The following STPG2 variants were observed in gnomAD, a reference collection of about 807,000 sequenced individuals.
STPG2 encodes the protein sperm tail PG-rich repeat containing 2, also known as sperm-tail PG-rich repeat-containing protein 2.
Under a neutral mutation model 54.2 loss-of-function variants are expected in STPG2, and 56 were observed. That is an observed-to-expected ratio of 1.03 (90% confidence interval 0.83 to 1.29). The LOEUF is 1.29. STPG2 is among the 50% of genes most tolerant of loss of function. The probability of loss-of-function intolerance (pLI) is 0.00; values close to 1 mark genes in which losing one functional copy is unlikely to be tolerated. For synonymous variants in STPG2, 200 were observed against 181.8 expected (o/e 1.10, Z -0.81); for missense variants, 596 against 544.9 (o/e 1.09, Z -0.93).
At chr4:97,727,366 C>A (rs1724658009) in intron 9 of STPG2, among the ~76,000 whole-genome samples, 1 of 151,752 alleles carries the variant, frequency 6.6e-6, no homozygotes. Context: ...ACCTAATTTT[C>A]CATCATGGGT....
intron 10 of STPG2, among the ~76,000 whole-genome samples, chr4:97,560,100 A>T (rs1732185614): frequency 6.6e-6 from 1 of 152,134 alleles, no homozygotes; most frequent in African/African-American, 2.4e-5. Flanking sequence ...ACAGATTCCC[A>T]TGATGACCCT....
At chr4:97,694,938 A>T (rs1472670679) in intron 10 of STPG2, among the ~76,000 whole-genome samples, 1 of 151,586 alleles carries the variant, frequency 6.6e-6, no homozygotes, top group Non-Finnish European at 1.5e-5. Context: ...AATCTTATTG[A>T]CACTATTGCA....
In STPG2 at chr4:97,972,295, T is replaced by C; in HGVS notation, c.918A>G (p.Gly306=). 8 of 1,598,682 alleles carry C rather than the reference T, an allele frequency of 5.0e-6. No homozygotes were observed. The highest frequency in any genetic ancestry group is 6.8e-6 in the Non-Finnish European group (8 of 1,172,684). Residue 306 remains glycine, a synonymous_variant, in exon 7 of 11, where the codon GGA becomes GGG. Coordinates refer to ENST00000295268, the MANE Select transcript of STPG2 (RefSeq NM_174952.3). The stretch of plus-strand genomic sequence containing the variant: ...AATGTATTACCTGATAATCAGCAGG[T>C]CCAGGGGTAGCACAAGCTTCTTTCT... The part of the protein sequence containing the change: ...SVQKEACATP[G]PADYQEFWHS...
chr4:97,596,857 C>T (rs184621520), intron 10 of STPG2, among the ~76,000 whole-genome samples: 1 of 151,576 alleles, frequency 6.6e-6, no homozygotes, highest in Non-Finnish European at 1.5e-5. Context: ...TTTAAAGGAG[C>T]TAGAGAAACA....
intron 4 of STPG2, among the ~76,000 whole-genome samples, chr4:97,521,227 C>G (rs1430016082): frequency 6.6e-6 from 1 of 151,814 alleles, no homozygotes; most frequent in East Asian, 1.9e-4. Context: ...ATCTTTAATT[C>G]TTGCTTAAAA....
At chr4:98,023,537 G>A (rs939639485) in intron 5 of STPG2, among the ~76,000 whole-genome samples, 2 of 152,164 alleles carry the variant, frequency 1.3e-5, no homozygotes, top group African/African-American at 2.4e-5. Context: ...GCGTGCTGGG[G>A]GAACCACTAT....
intron 4 of STPG2, among the ~76,000 whole-genome samples, chr4:97,541,640 C>G (rs910445061): frequency 6.6e-6 from 1 of 152,024 alleles, no homozygotes. Flanking sequence ...TATATGGAAC[C>G]AAAAAAGAGC....
chr4:97,663,800 G>C (rs910602032), intron 10 of STPG2, among the ~76,000 whole-genome samples: 13 of 152,084 alleles, frequency 8.5e-5, no homozygotes, highest in African/African-American at 2.4e-4. Flanking sequence ...GCCAGCAAAG[G>C]CGATGAAACT....
intron 3 of STPG2, among the ~76,000 whole-genome samples, chr4:98,119,419 C>T (rs1298598514): frequency 2.0e-5 from 3 of 151,958 alleles, no homozygotes; most frequent in Admixed American, 6.6e-5. Context: ...TACTGAAGAA[C>T]TGTTCCAAAT....
At chr4:97,785,037 G>A (rs752440596) in intron 9 of STPG2, among the ~76,000 whole-genome samples, 75 of 152,094 alleles carry the variant, frequency 4.9e-4, no homozygotes, top group Non-Finnish European at 5.6e-4. Flanking sequence ...CATGTGAAAA[G>A]ATAGAGGTGC....
intron 8 of STPG2, among the ~76,000 whole-genome samples, chr4:97,865,049 A>G (rs1308022794): frequency 6.6e-6 from 1 of 152,204 alleles, no homozygotes; most frequent in Non-Finnish European, 1.5e-5. Context: ...CTTCATGTCT[A>G]AAACACCAAA....
At chr4:97,693,136 T>TTA (rs773490351) in intron 10 of STPG2, among the ~76,000 whole-genome samples, 3 of 133,084 alleles carry the variant, frequency 2.3e-5, no homozygotes, top group Non-Finnish European at 5.0e-5. Flanking sequence ...ATAACAATGA[T>TTA]AAAAAAAAAA....
At chr4:97,912,737 G>C (rs1208505760) in intron 8 of STPG2, among the ~76,000 whole-genome samples, 1 of 152,222 alleles carries the variant, frequency 6.6e-6, no homozygotes, top group African/African-American at 2.4e-5. Flanking sequence ...GAAAGAGACA[G>C]AAAGAACAGA....
At chr4:97,996,910 T>C (rs990436279) in intron 5 of STPG2, among the ~76,000 whole-genome samples, 1 of 152,198 alleles carries the variant, frequency 6.6e-6, no homozygotes, top group Non-Finnish European at 1.5e-5. Flanking sequence ...CTGGTCAGGA[T>C]GGCTATTACT....
intron 5 of STPG2, among the ~76,000 whole-genome samples, chr4:98,104,773 C>G (rs972351281): frequency 6.6e-6 from 1 of 152,088 alleles, no homozygotes; most frequent in African/African-American, 2.4e-5. Context: ...AGGTAAATTA[C>G]CCTTATGTAA....
chr4:98,083,472 A>G (rs1174834449), intron 5 of STPG2, among the ~76,000 whole-genome samples: 1 of 152,158 alleles, frequency 6.6e-6, no homozygotes, highest in Non-Finnish European at 1.5e-5. Context: ...AATGGGGAAA[A>G]TACCCAAGAT....
chr4:97,508,981 T>C (rs1288644631), intron 4 of STPG2, among the ~76,000 whole-genome samples: 2 of 152,128 alleles, frequency 1.3e-5, no homozygotes, highest in African/African-American at 4.8e-5. Flanking sequence ...TCTGAGTGAA[T>C]TAACTGTAAT....
intron 10 of STPG2, among the ~76,000 whole-genome samples, chr4:97,686,980 G>A (rs1055957000): frequency 2.7e-5 from 4 of 148,342 alleles, no homozygotes; most frequent in African/African-American, 7.5e-5. Context: ...TCGCTCTGTC[G>A]CCCAGGCTGG....
At chr4:97,933,387 T>G (rs1329050049) in intron 8 of STPG2, among the ~76,000 whole-genome samples, 1 of 152,184 alleles carries the variant, frequency 6.6e-6, no homozygotes, top group Non-Finnish European at 1.5e-5. Flanking sequence ...AATTGTCAAT[T>G]TTTTCTTTTG....
Sources: gnomAD v4.1 joint callset for allele counts (sites outside exome capture counted in the v4.1 genomes callset) on GRCh38, gnomAD v4.1.1 for gene constraint, MANE v1.5 for transcripts, NCBI Gene and HGNC (gene_info 2026-07-23, HGNC 2026-07-21) for gene names.